KDM4C: variants seen among roughly 807,000 people sequenced by gnomAD.
KDM4C encodes the protein lysine-specific demethylase 4C.
KDM4C carries 81 observed loss-of-function variants against 129.3 expected under a neutral mutation model. That is an observed-to-expected ratio of 0.63 (90% CI 0.52 to 0.75). The LOEUF (loss-of-function observed/expected upper bound fraction) is 0.75, where lower values mean the gene tolerates loss of function less well. Among genes scored for constraint, KDM4C ranks in the 30% least tolerant of loss-of-function variants. The pLI, the probability that KDM4C is intolerant of heterozygous loss-of-function variation, is 0.00. For synonymous variants in KDM4C, 573 were observed against 456.1 expected (o/e 1.26, Z -3.26); for missense variants, 1,457 against 1,304.0 (o/e 1.12, Z -1.81).
intron 1 of KDM4C, among the ~76,000 whole-genome samples, chr9:6,748,201 C>T (rs1439620010): frequency 6.7e-6 from 1 of 148,538 alleles, no homozygotes; most frequent in African/African-American, 2.5e-5. Flanking sequence ...AAAACAACAA[C>T]AATTAAAAAA....
chr9:6,986,654 C>G lies in KDM4C; in HGVS notation c.1665C>G (p.Phe555Leu), dbSNP rs375939389. Residue 555 changes from phenylalanine to leucine, a missense_variant, in exon 11 of 22, where the codon TTC (phenylalanine) becomes TTG (leucine). Physicochemically the swap from Phe to Leu is conservative, Grantham distance 22. Coordinates refer to ENST00000381309, the MANE Select transcript of KDM4C (RefSeq NM_015061.6). ...TCCCCAGTGGAGAGAGAAATAGCTT[C>G]AAAGTCCCCAGTGTATGTGGCAATA... is the stretch of plus-strand genomic sequence containing the variant. ...PAVPSGERNS[F>L]KVPSIAEGEN... 6.2e-7 allele frequency: 1 copy of G among 1,605,814 alleles called. No individual in the cohort carries two copies. Among genetic ancestry groups the G allele is most frequent in the African/African-American group, 1.3e-5 (1 of 74,722 alleles).
intron 11 of KDM4C, among the ~76,000 whole-genome samples, chr9:6,988,425 A>T (rs1049570432): frequency 6.6e-6 from 1 of 152,066 alleles, no homozygotes; most frequent in African/African-American, 2.4e-5. Context: ...ACAGTAGAGA[A>T]ACCAACATTG....
At chr9:6,966,165 A>G (rs1047718447) in intron 8 of KDM4C, among the ~76,000 whole-genome samples, 6 of 152,202 alleles carry the variant, frequency 3.9e-5, no homozygotes, top group African/African-American at 9.7e-5. Context: ...GATTTGGAAC[A>G]AAGTAAGAAT....
At chr9:7,159,582 C>T (rs899704004) in intron 19 of KDM4C, among the ~76,000 whole-genome samples, 35 of 152,292 alleles carry the variant, frequency 2.3e-4, no homozygotes, top group African/African-American at 8.4e-4. Context: ...ATTTCTCCTT[C>T]ATTTATGAAG....
Position 6,803,503 on chromosome 9 carries a change from G to T in KDM4C, c.145-2096G>T, listed in dbSNP as rs140940139. On this transcript the variant is annotated intron_variant, in intron 2 of 21. Transcript: ENST00000381309. Reference sequence around the variant, plus strand: ...GAGAATCGCTTGACCCCGGGAGGTGGAGGTTGCGGTGAGCCGAGATTGGGC... The same window carrying T: ...GAGAATCGCTTGACCCCGGGAGGTGTAGGTTGCGGTGAGCCGAGATTGGGC... Among the ~76,000 whole-genome samples, 112 of 151,800 alleles carry T rather than the reference G, an allele frequency of 7.4e-4. 2 individuals are homozygous for T. The East Asian group carries it at 0.021, about 28-fold the overall frequency.
At chr9:6,736,447 G>A (rs922379485) in intron 1 of KDM4C, among the ~76,000 whole-genome samples, 1 of 152,140 alleles carries the variant, frequency 6.6e-6, no homozygotes, top group Non-Finnish European at 1.5e-5. Context: ...TTCCTGTGCT[G>A]TGTGCAGTCT....
chr9:6,742,722 C>G (rs1011547809), intron 1 of KDM4C, among the ~76,000 whole-genome samples: 10 of 150,340 alleles, frequency 6.7e-5, no homozygotes, highest in African/African-American at 1.7e-4. Flanking sequence ...ATTGAGTAGG[C>G]TGGAGGGCAG....
At chr9:6,834,075 G>T (rs889108787) in intron 4 of KDM4C, among the ~76,000 whole-genome samples, 1 of 103,662 alleles carries the variant, frequency 9.6e-6, no homozygotes, top group Non-Finnish European at 1.9e-5. Context: ...GTCTTGCTCT[G>T]TCACCTAGGC....
At chr9:6,821,298 T>C (rs1319529584) in intron 4 of KDM4C, among the ~76,000 whole-genome samples, 1 of 152,236 alleles carries the variant, frequency 6.6e-6, no homozygotes, top group African/African-American at 2.4e-5. Flanking sequence ...ATCACCACAC[T>C]GTCTTCCACA....
intron 4 of KDM4C, among the ~76,000 whole-genome samples, chr9:6,820,113 AG>A (rs1417202146): frequency 6.6e-6 from 1 of 152,200 alleles, no homozygotes. Context: ...CTGCTTCTCA[AG>A]TAGTTCATAG....
At chr9:6,917,927 G>T (rs1698625092) in intron 8 of KDM4C, among the ~76,000 whole-genome samples, 1 of 152,118 alleles carries the variant, frequency 6.6e-6, no homozygotes, top group African/African-American at 2.4e-5. Flanking sequence ...TTCATTCACT[G>T]CATCATCACG....
intron 3 of KDM4C, among the ~76,000 whole-genome samples, chr9:6,814,145 G>C (rs1318052432): frequency 6.6e-6 from 1 of 152,076 alleles, no homozygotes; most frequent in South Asian, 2.1e-4. Flanking sequence ...AGTTGTCTAA[G>C]AGGTGTCATT....
At chr9:6,850,336 T>G (rs1838610513) in intron 5 of KDM4C, among the ~76,000 whole-genome samples, 1 of 152,230 alleles carries the variant, frequency 6.6e-6, no homozygotes, top group African/African-American at 2.4e-5. Context: ...ACTTTGAGCA[T>G]TTGTTGGATG....
At chr9:6,851,116 A>G (rs1385027272) in intron 5 of KDM4C, among the ~76,000 whole-genome samples, 5 of 152,152 alleles carry the variant, frequency 3.3e-5, no homozygotes, top group African/African-American at 1.2e-4. Flanking sequence ...AGAGAATGTG[A>G]TCGGATTATT....
At chr9:6,804,911 T>G (rs1262311376) in intron 2 of KDM4C, among the ~76,000 whole-genome samples, 1 of 152,078 alleles carries the variant, frequency 6.6e-6, no homozygotes, top group East Asian at 1.9e-4. Context: ...TCTTTTTTTG[T>G]TTTTCCTGAG....
intron 5 of KDM4C, among the ~76,000 whole-genome samples, chr9:6,850,827 T>C (rs1838708607): frequency 6.6e-6 from 1 of 152,202 alleles, no homozygotes; most frequent in Non-Finnish European, 1.5e-5. Flanking sequence ...CGATCTCGGC[T>C]CACTGCAACC....
At chr9:6,814,415 T>C (rs1363574013) in intron 3 of KDM4C, among the ~76,000 whole-genome samples, 1 of 152,220 alleles carries the variant, frequency 6.6e-6, no homozygotes, top group East Asian at 1.9e-4. Flanking sequence ...AGTAGTTTTC[T>C]AATAAAATGT....
intron 19 of KDM4C, among the ~76,000 whole-genome samples, chr9:7,159,804 G>A (rs2130319031): frequency 6.6e-6 from 1 of 152,246 alleles, no homozygotes; most frequent in Middle Eastern, 3.4e-3. Context: ...TGCCAATTAT[G>A]TGTCTTGGGG....
In KDM4C at chr9:7,035,551, A is replaced by G. The variant is rs570165964; in HGVS notation, c.2260-11311A>G. Among the ~76,000 whole-genome samples, 7 of 151,996 alleles carry G rather than the reference A, an allele frequency of 4.6e-5. No individual in the cohort carries two copies. The East Asian group carries it at 1.2e-3, about 25-fold the overall frequency. ...TTGCTTTTGAGGTTTTATTCATAAA[A>G]TCATTTCCCAGACCAATGTCCTGAA... On this transcript the variant is annotated intron_variant, in intron 15 of 21. Coordinates refer to ENST00000381309, the MANE Select transcript of KDM4C (RefSeq NM_015061.6).
Sources: gnomAD v4.1 joint callset for allele counts (sites outside exome capture counted in the v4.1 genomes callset) on GRCh38, gnomAD v4.1.1 for gene constraint, MANE v1.5 for transcripts, NCBI Gene and HGNC (gene_info 2026-07-23, HGNC 2026-07-21) for gene names.